Variants in PDS5A observed in about 807,000 individuals in gnomAD.
PDS5A encodes the protein PDS5 cohesin associated factor A, also known as sister chromatid cohesion protein PDS5 homolog A.
A neutral mutation model predicts 167.1 loss-of-function variants in PDS5A; 42 were observed. The observed-to-expected ratio is 0.25, with a 90% confidence interval of 0.20 to 0.33. The LOEUF (loss-of-function observed/expected upper bound fraction) is 0.33, where lower values mean the gene tolerates loss of function less well. Among genes scored for constraint, PDS5A ranks in the 10% least tolerant of loss-of-function variants. The pLI is 1.00. For missense variants in PDS5A, 1,033 were observed against 1,605.9 expected, an observed-to-expected ratio of 0.64 and a Z score of 6.10; for synonymous variants, 553 against 554.6, an observed-to-expected ratio of 1.00 and a Z score of 0.04.
chr4:39,962,605 A>C (rs1729591450), intron 2 of PDS5A, among the ~76,000 whole-genome samples: 1 of 151,718 alleles, frequency 6.6e-6, no homozygotes, highest in Admixed American at 6.6e-5. Context: ...GGAGGTTGAG[A>C]CCATCCTGGC....
chr4:39,924,444 C>T (rs1189653047), intron 5 of PDS5A, among the ~76,000 whole-genome samples: 1 of 152,238 alleles, frequency 6.6e-6, no homozygotes, highest in African/African-American at 2.4e-5. Context: ...TGCTATCTTT[C>T]TACAAGCTTC....
chr4:39,917,101 T>C lies in PDS5A; in HGVS notation c.823A>G (p.Ile275Val), dbSNP rs372684647. Residue 275 changes from isoleucine to valine, a missense_variant, in exon 8 of 33, where the codon ATA (isoleucine) becomes GTA (valine). Physicochemically the swap from Ile to Val is conservative, Grantham distance 29. Coordinates refer to ENST00000303538, the MANE Select transcript of PDS5A (RefSeq NM_001100399.2). ...VFDLIQELFA[I>V]DPHLLLSVMP... The stretch of plus-strand genomic sequence containing the variant: ...ACGGATAATAATAAATGAGGATCTA[T>C]AGCAAAAAGTTCCTGAATCAGATCA... The C allele has an allele frequency of 1.6e-5, 25 of 1,562,894 alleles. No homozygotes were observed. The highest frequency in any genetic ancestry group is 6.9e-5 in the African/African-American group (5 of 72,014).
At chr4:39,924,641 T>C (rs188026668) in intron 5 of PDS5A, among the ~76,000 whole-genome samples, 211 of 152,380 alleles carry the variant, frequency 1.4e-3, no homozygotes, top group African/African-American at 4.9e-3. Flanking sequence ...GAGGGCCACA[T>C]GTTGGAATGA....
At chr4:39,973,713 C>T in intron 2 of PDS5A, 1 of 1,284,482 alleles carries the variant, frequency 7.8e-7, no homozygotes, top group Non-Finnish European at 1.1e-6. Flanking sequence ...AGGCTCACTT[C>T]ACTAACCAGC....
At position 39,976,614 on chromosome 4, in the gene PDS5A, G is replaced by C. The variant is rs761762039; in HGVS notation, c.-37C>G. ...ACTTTTGGTTCACAGTCCTCTACCG[G>C]CCTCTATCGGTCAGAAAACCAAAGT... On this transcript the variant is annotated 5_prime_UTR_variant, in exon 2 of 33. Coordinates refer to ENST00000303538, the MANE Select transcript of PDS5A (RefSeq NM_001100399.2). The C allele has an allele frequency of 3.9e-6, 6 of 1,553,946 alleles. No homozygotes were observed. The highest frequency in any genetic ancestry group is 2.3e-5 in the South Asian group (2 of 85,956).
chr4:39,929,796 A>G (rs1725840610), intron 2 of PDS5A, among the ~76,000 whole-genome samples: 1 of 150,372 alleles, frequency 6.7e-6, no homozygotes, highest in Non-Finnish European at 1.5e-5. Flanking sequence ...CCTAGGCTGG[A>G]GTGCAGTGAA....
At chr4:39,870,265 T>C (rs1180748607) in intron 21 of PDS5A, among the ~76,000 whole-genome samples, 1 of 152,146 alleles carries the variant, frequency 6.6e-6, no homozygotes, top group Non-Finnish European at 1.5e-5. Context: ...TCTGAAAAGA[T>C]GACATAGGAA....
At chr4:39,827,960 T>C (rs1283777447) in intron 32 of PDS5A, among the ~76,000 whole-genome samples, 1 of 152,166 alleles carries the variant, frequency 6.6e-6, no homozygotes, top group African/African-American at 2.4e-5. Flanking sequence ...CGGGAACTGT[T>C]TGCCCTCTGA....
At chr4:39,916,483 C>T (rs1282384467) in intron 8 of PDS5A, among the ~76,000 whole-genome samples, 2 of 152,144 alleles carry the variant, frequency 1.3e-5, no homozygotes, top group African/African-American at 2.4e-5. Flanking sequence ...TTAATACCAA[C>T]ATGTATTATA....
chr4:39,825,907 G>A (rs1272959632), intron 32 of PDS5A, among the ~76,000 whole-genome samples: 2 of 152,080 alleles, frequency 1.3e-5, no homozygotes, highest in South Asian at 2.1e-4. Flanking sequence ...TGCTTGGCAT[G>A]TTATCTAAAA....
intron 2 of PDS5A, among the ~76,000 whole-genome samples, chr4:39,966,199 G>A (rs1204947962): frequency 6.6e-6 from 1 of 152,140 alleles, no homozygotes; most frequent in Non-Finnish European, 1.5e-5. Flanking sequence ...ACAGAACTCA[G>A]AGTTAAAATT....
intron 26 of PDS5A, among the ~76,000 whole-genome samples, chr4:39,854,606 G>T (rs1042102257): frequency 2.8e-4 from 42 of 152,102 alleles, no homozygotes; most frequent in African/African-American, 1.0e-3. Context: ...CCCTGCAAGT[G>T]TGAGTTATGT....
At chr4:39,961,752 G>A (rs1248412465) in intron 2 of PDS5A, among the ~76,000 whole-genome samples, 1 of 152,092 alleles carries the variant, frequency 6.6e-6, no homozygotes, top group African/African-American at 2.4e-5. Flanking sequence ...AATTAACTGT[G>A]AAAATAAAAG....
At chr4:39,970,685 C>T (rs1398868939) in intron 2 of PDS5A, among the ~76,000 whole-genome samples, 2 of 150,524 alleles carry the variant, frequency 1.3e-5, no homozygotes, top group African/African-American at 4.9e-5. Context: ...TACTTGAATA[C>T]TTTGGCCTAA....
At chr4:39,947,029 G>C (rs1009923083) in intron 2 of PDS5A, among the ~76,000 whole-genome samples, 1 of 151,996 alleles carries the variant, frequency 6.6e-6, no homozygotes, top group African/African-American at 2.4e-5. Flanking sequence ...ATTACTTCAG[G>C]CCCATGAGTT....
intron 2 of PDS5A, among the ~76,000 whole-genome samples, chr4:39,959,700 A>T (rs1447538017): frequency 2.6e-5 from 4 of 152,166 alleles, no homozygotes; most frequent in Non-Finnish European, 5.9e-5. Context: ...CACACCTGTA[A>T]TCCCAATACA....
Position 39,869,421 on chromosome 4 carries a change from T to C in PDS5A, c.2478A>G (p.Glu826=). ...EKNGKLWSPD[E]EVSPEVLAKV... ...TTGCTAGTACTTCAGGGGAAACCTC[T>C]TCATCTGGAGACCACAGTTTTCCAT... The change falls in exon 22 of 33, where the codon GAA becomes GAG. Residue 826 remains glutamate (E), a synonymous_variant. Transcript: ENST00000303538. 6.2e-7 allele frequency: 1 copy of C among 1,604,534 alleles called. No homozygotes were observed. Among genetic ancestry groups the C allele is most frequent in the Admixed American group, 1.7e-5 (1 of 60,006 alleles).
intron 17 of PDS5A, among the ~76,000 whole-genome samples, chr4:39,887,898 A>G (rs1028461661): frequency 3.9e-5 from 6 of 152,048 alleles, no homozygotes; most frequent in South Asian, 2.1e-4. Context: ...AAAACAAAAC[A>G]AAACAAAAAA....
chr4:39,849,730 T>G (rs1405415457), intron 26 of PDS5A, 78 bp from the exon 27 acceptor site: 26 of 878,926 alleles, frequency 3.0e-5, no homozygotes, highest in Non-Finnish European at 4.6e-5. Flanking sequence ...AGCTGGGAAT[T>G]TCTGTTGTCT....
Sources: allele counts gnomAD v4.1 joint callset (sites outside exome capture counted in the v4.1 genomes callset), GRCh38; gene constraint gnomAD v4.1.1; transcripts MANE v1.5; gene names NCBI Gene and HGNC (gene_info 2026-07-23, HGNC 2026-07-21).